Variants in MACROD2 observed in about 807,000 individuals in gnomAD.
The protein encoded by MACROD2 is ADP-ribose glycohydrolase MACROD2.
MACROD2 carries 36 observed loss-of-function variants against 70.4 expected under a neutral mutation model. That is an observed-to-expected ratio of 0.51 (90% confidence interval 0.39 to 0.68). The LOEUF (loss-of-function observed/expected upper bound fraction) is 0.68. Among genes scored for constraint, MACROD2 ranks in the 30% least tolerant of loss-of-function variants. The pLI, the probability that MACROD2 is intolerant of heterozygous loss-of-function variation, is 0.00. For synonymous variants in MACROD2, 172 were observed against 178.8 expected (o/e 0.96, Z 0.30); for missense variants, 496 against 538.4 (o/e 0.92, Z 0.78).
intron 6 of MACROD2, among the ~76,000 whole-genome samples, chr20:15,338,707 C>T (rs939431250): frequency 2.0e-5 from 3 of 151,732 alleles, no homozygotes; most frequent in East Asian, 1.9e-4. Flanking sequence ...ACTTGCCTAA[C>T]GTCTTTTAGT....
chr20:15,859,835 T>A (rs1419606172), intron 8 of MACROD2, among the ~76,000 whole-genome samples: 2 of 151,678 alleles, frequency 1.3e-5, no homozygotes, highest in Non-Finnish European at 2.9e-5. Context: ...CAACAGAGCC[T>A]AAATGATAAA....
At position 15,442,268 on chromosome 20, in the gene MACROD2, T is replaced by G. The variant is rs981765452; in HGVS notation, c.571+10833T>G. Among the ~76,000 whole-genome samples, 4 of 152,180 alleles carry G rather than the reference T, an allele frequency of 2.6e-5. No individual in the cohort carries two copies. In the East Asian group the frequency reaches 7.7e-4, roughly 29 times the overall value. On this transcript the variant is annotated intron_variant, in intron 7 of 17. Coordinates refer to ENST00000684519, the MANE Select transcript of MACROD2 (RefSeq NM_001351661.2). ...CAATGATACTCTTTTAAAAATGTATTGTGAAATGTATGTGAACAAGACCAT... is the reference window on the plus strand; with the variant it reads ...CAATGATACTCTTTTAAAAATGTATGGTGAAATGTATGTGAACAAGACCAT...
intron 6 of MACROD2, among the ~76,000 whole-genome samples, chr20:15,376,822 C>T (rs1568759990): frequency 1.3e-5 from 2 of 152,210 alleles, no homozygotes; most frequent in Non-Finnish European, 2.9e-5. Context: ...AATGATCTGA[C>T]TTCCAACTCA....
At chr20:14,356,923 AG>A (rs975179634) in intron 3 of MACROD2, among the ~76,000 whole-genome samples, 3 of 152,182 alleles carry the variant, frequency 2.0e-5, no homozygotes, top group African/African-American at 7.2e-5. Flanking sequence ...GGGCTTCTTC[AG>A]GACTGTCCAG....
chr20:15,536,601 T>C (rs1181672373), intron 8 of MACROD2, among the ~76,000 whole-genome samples: 2 of 152,210 alleles, frequency 1.3e-5, no homozygotes, highest in Non-Finnish European at 2.9e-5. Context: ...GAAAATCCCA[T>C]TATTCATATG....
intron 5 of MACROD2, among the ~76,000 whole-genome samples, chr20:15,132,388 G>A (rs1035427124): frequency 1.3e-5 from 2 of 152,032 alleles, no homozygotes; most frequent in African/African-American, 4.8e-5. Context: ...AAATGTAGAT[G>A]TAGAAATAGA....
intron 8 of MACROD2, among the ~76,000 whole-genome samples, chr20:15,544,507 T>C (rs933121845): frequency 2.0e-5 from 3 of 152,160 alleles, no homozygotes; most frequent in Non-Finnish European, 4.4e-5. Flanking sequence ...GAGAAGCCAA[T>C]CATGATTAGA....
At chr20:14,230,371 G>A (rs992648280) in intron 3 of MACROD2, among the ~76,000 whole-genome samples, 1 of 151,912 alleles carries the variant, frequency 6.6e-6, no homozygotes, top group South Asian at 2.1e-4. Context: ...CATTTCAACA[G>A]TCTACATAGC....
At chr20:15,785,892 A>G (rs897512578) in intron 8 of MACROD2, among the ~76,000 whole-genome samples, 1 of 152,242 alleles carries the variant, frequency 6.6e-6, no homozygotes, top group African/African-American at 2.4e-5. Context: ...GGATATTAAT[A>G]TAAAGCAGAT....
At chr20:15,768,160 A>G (rs1395332969) in intron 8 of MACROD2, among the ~76,000 whole-genome samples, 1 of 148,552 alleles carries the variant, frequency 6.7e-6, no homozygotes, top group Non-Finnish European at 1.5e-5. Flanking sequence ...GTGTGTGTGT[A>G]GTCGTGCATC....
chr20:15,365,429 G>C (rs1034212858), intron 6 of MACROD2, among the ~76,000 whole-genome samples: 14 of 152,224 alleles, frequency 9.2e-5, no homozygotes, highest in African/African-American at 3.4e-4. Context: ...CCTTTGGGAG[G>C]CCAAGGCGGG....
chr20:14,902,850 G>C (rs1207648330), intron 5 of MACROD2, among the ~76,000 whole-genome samples: 1 of 152,022 alleles, frequency 6.6e-6, no homozygotes, highest in African/African-American at 2.4e-5. Flanking sequence ...ATAAATGTAA[G>C]TTCAAAGGCA....
chr20:14,519,204 G>C (rs1333706941), intron 4 of MACROD2, among the ~76,000 whole-genome samples: 2 of 152,076 alleles, frequency 1.3e-5, no homozygotes, highest in Admixed American at 1.3e-4. Flanking sequence ...TTTCTCTTCT[G>C]CTTGAAAGCA....
intron 4 of MACROD2, among the ~76,000 whole-genome samples, chr20:14,615,536 T>A (rs1423183789): frequency 1.3e-5 from 2 of 152,032 alleles, no homozygotes; most frequent in South Asian, 2.1e-4. Context: ...GAGGCTGAAA[T>A]GAGGTGCAAG....
chr20:15,043,875 A>G (rs2075373286), intron 5 of MACROD2, among the ~76,000 whole-genome samples: 1 of 152,188 alleles, frequency 6.6e-6, no homozygotes, highest in African/African-American at 2.4e-5. Flanking sequence ...ATTACAAAGG[A>G]CACAATTCAA....
chr20:14,369,834 T>C (rs2083306281), intron 3 of MACROD2, among the ~76,000 whole-genome samples: 2 of 152,248 alleles, frequency 1.3e-5, no homozygotes, highest in South Asian at 4.1e-4. Context: ...ACTTGATAAA[T>C]ACTTAATGTT....
intron 7 of MACROD2, among the ~76,000 whole-genome samples, chr20:15,449,537 C>G (rs1268834391): frequency 6.6e-6 from 1 of 152,130 alleles, no homozygotes; most frequent in African/African-American, 2.4e-5. Flanking sequence ...GTTTCTTATG[C>G]ATTTTCCAAA....
chr20:14,542,082 A>G (rs1275961333), intron 4 of MACROD2, among the ~76,000 whole-genome samples: 1 of 152,252 alleles, frequency 6.6e-6, no homozygotes, highest in South Asian at 2.1e-4. Context: ...CCTTTCTTGA[A>G]TAGCCTGAAC....
At chr20:14,874,764 G>T (rs1347184379) in intron 5 of MACROD2, among the ~76,000 whole-genome samples, 1 of 151,508 alleles carries the variant, frequency 6.6e-6, no homozygotes, top group Non-Finnish European at 1.5e-5. Flanking sequence ...GAGTGCAGTG[G>T]TGCAATCTTG....
Sources: allele counts gnomAD v4.1 joint callset (sites outside exome capture counted in the v4.1 genomes callset), GRCh38; gene constraint gnomAD v4.1.1; transcripts MANE v1.5; gene names NCBI Gene and HGNC (gene_info 2026-07-23, HGNC 2026-07-21).